The following VARS2 variants were observed in gnomAD, a reference collection of about 807,000 sequenced individuals.
VARS2 encodes valyl-tRNA synthetase 2, mitochondrial.
A neutral mutation model predicts 154.1 loss-of-function variants in VARS2; 105 were observed. The observed-to-expected ratio is 0.68, with a 90% CI of 0.58 to 0.80. The LOEUF (loss-of-function observed/expected upper bound fraction) is 0.80, where lower values mean the gene tolerates loss of function less well. Among genes scored for constraint, VARS2 ranks in the 30% least tolerant of loss-of-function variants. VARS2 has a pLI of 0.00. For synonymous variants in VARS2, 483 were observed against 539.5 expected (o/e 0.90, Z 1.45); for missense variants, 1,157 against 1,361.4 (o/e 0.85, Z 2.36).
rs1450821120 is a variant in VARS2 at position 30,925,650 on chromosome 6, C to T, written c.2892C>T (p.Gly964=). ...YCGAVGLLPP[G]AAAPSGWAQA... The stretch of plus-strand genomic sequence containing the variant: ...GGGCTGTGGGCCTGTTACCCCCAGG[C>T]GCAGCAGCTCCCTCCGGCTGGGCCC... The change falls in exon 28 of 30, where the codon GGC becomes GGT. Residue 964 remains glycine (G), a synonymous_variant. Transcript: ENST00000676266. The T allele has an allele frequency of 3.3e-5, 53 of 1,610,666 alleles. No homozygotes were observed. Among genetic ancestry groups the T allele is most frequent in the Non-Finnish European group, 4.0e-5 (47 of 1,179,664 alleles).
At position 30,915,769 on chromosome 6, in the gene VARS2, G is replaced by A. The variant is rs1337043692; in HGVS notation, c.408G>A (p.Gly136=). The change falls in exon 5 of 30, where the codon GGG becomes GGA. Residue 136 remains glycine (G), a synonymous_variant. Transcript: ENST00000676266. The stretch of plus-strand genomic sequence containing the variant: ...AGGCCCGGCTGCCCCAAGCTACAGG[G>A]GAGACCTTTTCCATGTGTATCCCAC... ...EYQARLPQAT[G]ETFSMCIPPP... 14 of 1,613,438 alleles carry A rather than the reference G, an allele frequency of 8.7e-6. No individual in the cohort carries two copies. The African/African-American group carries it at 1.3e-4, about 15-fold the overall frequency.
Position 30,921,533 on chromosome 6 carries a change from T to C in VARS2, c.1633-56T>C. 2 of 1,555,784 alleles carry C rather than the reference T, an allele frequency of 1.3e-6. No individual in the cohort carries two copies. Among genetic ancestry groups the C allele is most frequent in the Non-Finnish European group, 1.7e-6 (2 of 1,146,628 alleles). On this transcript the variant is annotated intron_variant, in intron 17 of 29. Coordinates refer to ENST00000676266, the MANE Select transcript of VARS2 (RefSeq NM_020442.6). The surrounding 1 kb of genome is among the most constrained non-coding windows in gnomAD (Gnocchi z 4.6). ...ATGAGGACGTGAAAACCAAGTGACA[T>C]TTACACCTGTCAGCTGTTCTTCCTC...
Position 30,926,115 on chromosome 6 carries a change from T to C in VARS2, c.3097T>C (p.Ser1033Pro). The part of the protein sequence containing the change: ...AGTQRQQKLS[S>P]LQLELSKLDK... ...TCCTTTTCTCCTCGTCCAGCTTTCTTCCCTCCAGCTGGAATTGTCAAAACT... is the reference window on the plus strand; with the variant it reads ...TCCTTTTCTCCTCGTCCAGCTTTCTCCCCTCCAGCTGGAATTGTCAAAACT... Residue 1033 changes from serine to proline, a missense_variant, in exon 30 of 30, where the codon TCC (serine) becomes CCC (proline). Physicochemically the swap from Ser to Pro is moderately conservative, Grantham distance 74. Coordinates refer to ENST00000676266, the MANE Select transcript of VARS2 (RefSeq NM_020442.6). The C allele has an allele frequency of 6.2e-7, 1 of 1,613,064 alleles. No homozygotes were observed. Among genetic ancestry groups the C allele is most frequent in the African/African-American group, 1.3e-5 (1 of 75,048 alleles).
chr6:30,914,928 A>G lies in VARS2; in HGVS notation c.92A>G (p.Gln31Arg). 6.2e-7 allele frequency: 1 copy of G among 1,613,074 alleles called. No homozygotes were observed. Among genetic ancestry groups the G allele is most frequent in the Non-Finnish European group, 8.5e-7 (1 of 1,180,040 alleles). The change falls in exon 2 of 30, where the codon CAG becomes CGG. Residue 31 changes from glutamine to arginine, a missense_variant. Gln to Arg is a conservative substitution (Grantham distance 43). Coordinates refer to ENST00000676266, the MANE Select transcript of VARS2 (RefSeq NM_020442.6). ...GLPRFHSVST[Q>R]SEPHGSPISR... ...CCCAGGTTTCACTCCGTTTCTACAC[A>G]GTCGGAGCCCCATGGATCTCCCATC...
In VARS2 at chr6:30,916,960, G is replaced by T. The variant is rs1794214572; in HGVS notation, c.753+1G>T. 1 of 1,614,092 alleles carries T rather than the reference G, an allele frequency of 6.2e-7. No individual in the cohort carries two copies. Among genetic ancestry groups the T allele is most frequent in the Admixed American group, 1.7e-5 (1 of 60,000 alleles). ...TCGAGAGTGTTTTACCATGGATGTT[G>T]TGAGTGTTCTGTGCCTTGGTCCCTG... On this transcript the variant is annotated splice_donor_variant, in intron 8 of 29. Transcript: ENST00000676266. LOFTEE classifies it high-confidence loss of function. This position sits in a 1 kb window ranked among gnomAD's most constrained non-coding sequence, Gnocchi z 4.0.
In VARS2 at chr6:30,926,225, C is replaced by T. The variant is rs1156307966; in HGVS notation, c.*15C>T. 1 of 1,612,212 alleles carries T rather than the reference C, an allele frequency of 6.2e-7. No homozygotes were observed. Among genetic ancestry groups the T allele is most frequent in the South Asian group, 1.1e-5 (1 of 91,038 alleles). On this transcript the variant is annotated 3_prime_UTR_variant, in exon 30 of 30. Coordinates refer to ENST00000676266, the MANE Select transcript of VARS2 (RefSeq NM_020442.6). ...CGGAGCTCTAACTCATCATCCCCAT[C>T]AGTTTTCCTCCCTCTCAGACCTGTC...
chr6:30,915,625 ACTCTC>A (rs978444755), intron 4 of VARS2, 116 bp from the exon 5 acceptor site: 1 of 1,519,924 alleles, frequency 6.6e-7, no homozygotes, highest in African/African-American at 1.4e-5. Context: ...CCTCCTCTCC[ACTCTC>A]CTCTTATTTG....
In VARS2 at chr6:30,923,147, A is replaced by G. The variant is rs1242788031; in HGVS notation, c.2229A>G (p.Arg743=). Residue 743 remains arginine (R), a synonymous_variant, in exon 24 of 30, where the codon CGA becomes CGG. Coordinates refer to ENST00000676266, the MANE Select transcript of VARS2 (RefSeq NM_020442.6). ...HLSVSEVQSC[R]HFCNKIWNAL... ...CAGTCTCTGAGGTCCAGAGCTGCCG[A>G]CATTTCTGCAACAAGATCTGGAATG... is the stretch of plus-strand genomic sequence containing the variant. 6.2e-7 allele frequency: 1 copy of G among 1,612,976 alleles called. No individual in the cohort carries two copies. Among genetic ancestry groups the G allele is most frequent in the Non-Finnish European group, 8.5e-7 (1 of 1,180,034 alleles).
chr6:30,925,831 G>A (rs1794802809), intron 28 of VARS2, 49 bp from the exon 29 acceptor site: 1 of 1,611,162 alleles, frequency 6.2e-7, no homozygotes, highest in Non-Finnish European at 8.5e-7. Context: ...GAGGATGGAG[G>A]CCTGGCAGCA....
chr6:30,916,807 G>C lies in VARS2; in HGVS notation c.672-71G>C, dbSNP rs1794203485. Reference sequence around the variant, plus strand: ...TTCCTCCAACACCTGGCATTGCTGGGGGCATCGCTGGGCCTGGTACATAGG... The same window carrying C: ...TTCCTCCAACACCTGGCATTGCTGGCGGCATCGCTGGGCCTGGTACATAGG... On this transcript the variant is annotated intron_variant, in intron 7 of 29. Transcript: ENST00000676266. The surrounding 1 kb of genome is among the most constrained non-coding windows in gnomAD (Gnocchi z 4.0). 62 of 1,490,172 alleles carry C rather than the reference G, an allele frequency of 4.2e-5. 2 individuals are homozygous for C. In the South Asian group the frequency reaches 6.9e-4, roughly 17 times the overall value. The allele number at this position is 1,490,172 out of a possible 1,614,324, so 92.3% of individuals were successfully genotyped here.
rs764932272 is a variant in VARS2 at position 30,924,464 on chromosome 6, C to T, written c.2577C>T (p.Phe859=). 2 of 1,612,408 alleles carry T rather than the reference C, an allele frequency of 1.2e-6. No homozygotes were observed. The highest frequency in any genetic ancestry group is 2.2e-5 in the South Asian group (2 of 90,996). ...GLRLLAPLMP[F]LAEELWQRLP... ...GCCTCCTGGCCCCACTGATGCCCTT[C>T]CTGGCTGAAGAGCTCTGGCAGAGGC... is the stretch of plus-strand genomic sequence containing the variant. The change falls in exon 26 of 30, where the codon TTC becomes TTT. Residue 859 remains phenylalanine, a synonymous_variant. Coordinates refer to ENST00000676266, the MANE Select transcript of VARS2 (RefSeq NM_020442.6).
In VARS2 at chr6:30,922,967, G is replaced by A; in HGVS notation, c.2176G>A (p.Gly726Arg). ...DALRFTLCSH[G>R]VQAGDLHLSV... ...CCTGAGATTCACACTCTGCTCCCAT[G>A]GAGTTCAGGGTAAGCCTGGGCGAGG... The change falls in exon 23 of 30, where the codon GGA becomes AGA. Residue 726 changes from glycine to arginine, a missense_variant. Gly to Arg is a moderately radical substitution (Grantham distance 125). Transcript: ENST00000676266. The A allele has an allele frequency of 6.2e-7, 1 of 1,610,304 alleles. No individual in the cohort carries two copies. The highest frequency in any genetic ancestry group is 8.5e-7 in the Non-Finnish European group (1 of 1,178,066).
Position 30,915,427 on chromosome 6 carries a change from G to A in VARS2, c.356G>A (p.Arg119Gln), listed in dbSNP as rs1794093284. ...VEAAWYPWWV[R>Q]EGFFKPEYQA... Reference sequence around the variant, plus strand: ...GCTGCCTGGTACCCGTGGTGGGTACGAGAGGGCTTCTTCAAACCAGAATAT... The same window carrying A: ...GCTGCCTGGTACCCGTGGTGGGTACAAGAGGGCTTCTTCAAACCAGAATAT... The change falls in exon 4 of 30, where the codon CGA becomes CAA. Residue 119 changes from arginine (R) to glutamine (Q), a missense_variant. Transcript: ENST00000676266. 2.5e-6 allele frequency: 4 copies of A among 1,614,052 alleles called. No homozygotes were observed. The highest frequency in any genetic ancestry group is 2.7e-5 in the African/African-American group (2 of 74,922).
At position 30,924,491 on chromosome 6, in the gene VARS2, GC is replaced by G; in HGVS notation, c.2610del (p.Arg871GlyfsTer43). 1.2e-6 allele frequency: 2 copies of G among 1,605,552 alleles called. No homozygotes were observed. The highest frequency in any genetic ancestry group is 1.7e-6 in the Non-Finnish European group (2 of 1,174,630). On this transcript the variant is annotated frameshift_variant, in exon 26 of 30. Transcript: ENST00000676266. LOFTEE classifies it high-confidence loss of function. ...TGGCTGAAGAGCTCTGGCAGAGGCTGCCCCCCAGGCCTGGTTGCCCCCCTGC... is the reference window on the plus strand; with the variant it reads ...TGGCTGAAGAGCTCTGGCAGAGGCTGCCCCCAGGCCTGGTTGCCCCCCTGC... ...FLAEELWQRL[P>X]PRPGCPPAPS...
chr6:30,923,890 G>A (rs1320177302), intron 25 of VARS2: 1 of 360,854 alleles, frequency 2.8e-6, no homozygotes, highest in Non-Finnish European at 5.1e-6. Flanking sequence ...GCTGTCCTAC[G>A]TCCAAAGCAC....
In VARS2 at chr6:30,915,444, C is replaced by T; in HGVS notation, c.373C>T (p.Pro125Ser). 6.2e-7 allele frequency: 1 copy of T among 1,614,012 alleles called. No individual in the cohort carries two copies. The highest frequency in any genetic ancestry group is 8.5e-7 in the Non-Finnish European group (1 of 1,180,010). ...PWWVREGFFK[P>S]EYQARLPQAT... ...GTGGGTACGAGAGGGCTTCTTCAAA[C>T]CAGAATATCAGGTTAGTATCTGGCA... is the stretch of plus-strand genomic sequence containing the variant. The change falls in exon 4 of 30, where the codon CCA (proline) becomes TCA (serine). Residue 125 changes from proline (P) to serine (S), a missense_variant. Transcript: ENST00000676266.
chr6:30,920,898 G>A lies in VARS2; in HGVS notation c.1479+149G>A, dbSNP rs974236189. On this transcript the variant is annotated intron_variant, in intron 15 of 29. Coordinates refer to ENST00000676266, the MANE Select transcript of VARS2 (RefSeq NM_020442.6). This position sits in a 1 kb window ranked among gnomAD's most constrained non-coding sequence, Gnocchi z 4.6. ...AGGATGTGTGGGATGGAGGCTGGGCGGCCCAGCAAGGGCTGGCTCATATCC... is the reference window on the plus strand; with the variant it reads ...AGGATGTGTGGGATGGAGGCTGGGCAGCCCAGCAAGGGCTGGCTCATATCC... The A allele has an allele frequency of 1.1e-5, 12 of 1,087,990 alleles. No homozygotes were observed. The highest frequency in any genetic ancestry group is 2.9e-4 in the Middle Eastern group (1 of 3,484). 67.4% of individuals were successfully genotyped at this position (1,087,990 alleles called of 1,614,324 possible). A position where few individuals can be genotyped will look rare whatever the true frequency, so the allele number is the denominator to read the frequency against.
At position 30,916,505 on chromosome 6, in the gene VARS2, C is replaced by T; in HGVS notation, c.671+256C>T. The T allele has an allele frequency of 3.2e-6, 1 of 315,762 alleles. No homozygotes were observed. The highest frequency in any genetic ancestry group is 5.5e-6 in the Non-Finnish European group (1 of 181,826). 19.6% of individuals were successfully genotyped at this position (315,762 alleles called of 1,614,324 possible). A position where few individuals can be genotyped will look rare whatever the true frequency, so the allele number is the denominator to read the frequency against. On this transcript the variant is annotated intron_variant, in intron 7 of 29. Coordinates refer to ENST00000676266, the MANE Select transcript of VARS2 (RefSeq NM_020442.6). This position sits in a 1 kb window ranked among gnomAD's most constrained non-coding sequence, Gnocchi z 4.0. ...TTATATATATATATATATTTTCTTTCTCTTTACTTACCCCAATTTCTCTTG... is the reference window on the plus strand; with the variant it reads ...TTATATATATATATATATTTTCTTTTTCTTTACTTACCCCAATTTCTCTTG...
chr6:30,914,966 C>G lies in VARS2; in HGVS notation c.130C>G (p.Arg44Gly), dbSNP rs1448176404. The G allele has an allele frequency of 6.2e-7, 1 of 1,612,990 alleles. No individual in the cohort carries two copies. Among genetic ancestry groups the G allele is most frequent in the East Asian group, 2.2e-5 (1 of 44,888 alleles). The change falls in exon 2 of 30, where the codon CGT becomes GGT. Residue 44 changes from arginine to glycine, a missense_variant. Coordinates refer to ENST00000676266, the MANE Select transcript of VARS2 (RefSeq NM_020442.6). ...PHGSPISRRN[R>G]EAKQKRLREK... is the part of the protein sequence containing the mutation. ...TGGATCTCCCATCTCCCGGAGGAAC[C>G]GTGAAGCCAAACAGAAGCGCCTGCG...
Sources: allele counts gnomAD v4.1 joint callset, GRCh38; gene constraint gnomAD v4.1.1; non-coding constraint Gnocchi (gnomAD v3.1); transcripts MANE v1.5; gene names NCBI Gene and HGNC (gene_info 2026-07-23, HGNC 2026-07-21).